The following ADAMTS12 variants were observed in gnomAD, a reference collection of about 807,000 sequenced individuals.
ADAMTS12 encodes A disintegrin and metalloproteinase with thrombospondin motifs 12.
A neutral mutation model predicts 167.8 loss-of-function variants in ADAMTS12; 118 were observed. The observed-to-expected ratio is 0.70, with a 90% CI of 0.61 to 0.82. The LOEUF is 0.82. ADAMTS12 is among the 40% of genes least tolerant of loss of function. ADAMTS12 has a pLI of 0.00. For missense variants in ADAMTS12, 1,916 were observed against 1,998.8 expected (o/e 0.96, Z 0.79); for synonymous variants, 704 against 716.9 (o/e 0.98, Z 0.29).
At chr5:33,845,137 T>C (rs1748896812) in intron 2 of ADAMTS12, among the ~76,000 whole-genome samples, 1 of 152,212 alleles carries the variant, frequency 6.6e-6, no homozygotes, top group African/African-American at 2.4e-5. Flanking sequence ...TATTGTGGCT[T>C]ACATGCACAT....
intron 5 of ADAMTS12, among the ~76,000 whole-genome samples, chr5:33,662,474 C>A (rs1485340639): frequency 6.6e-6 from 1 of 152,214 alleles, no homozygotes; most frequent in Non-Finnish European, 1.5e-5. Flanking sequence ...TCCTGCAAGG[C>A]TAGAGTTGCA....
At chr5:33,676,048 C>A (rs1220648455) in intron 5 of ADAMTS12, among the ~76,000 whole-genome samples, 2 of 152,088 alleles carry the variant, frequency 1.3e-5, no homozygotes, top group African/African-American at 2.4e-5. Context: ...AAAATAGATT[C>A]CTCTTTTTGT....
chr5:33,702,898 A>G (rs1349895328), intron 3 of ADAMTS12, among the ~76,000 whole-genome samples: 1 of 152,160 alleles, frequency 6.6e-6, no homozygotes, highest in African/African-American at 2.4e-5. Context: ...GAGTGGCTGG[A>G]AACAAGACTG....
intron 16 of ADAMTS12, among the ~76,000 whole-genome samples, chr5:33,605,019 T>G (rs1320521095): frequency 6.6e-6 from 1 of 152,248 alleles, no homozygotes; most frequent in Non-Finnish European, 1.5e-5. Context: ...TTACTGCCTT[T>G]GGGCATTTTA....
intron 20 of ADAMTS12, among the ~76,000 whole-genome samples, chr5:33,549,764 C>T (rs559951422): frequency 2.0e-5 from 3 of 152,372 alleles, no homozygotes; most frequent in Non-Finnish European, 2.9e-5. Context: ...GCCATTCCGT[C>T]TGGAAGTCAG....
chr5:33,734,293 G>A (rs900993471), intron 3 of ADAMTS12, among the ~76,000 whole-genome samples: 10 of 152,324 alleles, frequency 6.6e-5, no homozygotes, highest in Admixed American at 6.5e-4. Context: ...TGGAACAAAA[G>A]CTGCCTAGGT....
At chr5:33,665,621 T>TGA (rs1362812888) in intron 5 of ADAMTS12, among the ~76,000 whole-genome samples, 1 of 152,024 alleles carries the variant, frequency 6.6e-6, no homozygotes, top group Non-Finnish European at 1.5e-5. Context: ...ACACAAAATG[T>TGA]GAGAGAAAGA....
chr5:33,614,166 C>T, intron 16 of ADAMTS12, 72 bp downstream of exon 16: 2 of 1,555,076 alleles, frequency 1.3e-6, no homozygotes, highest in Non-Finnish European at 1.7e-6. Context: ...CAAAGCAAAT[C>T]ACTGGTGTAA....
chr5:33,726,651 T>TTGAAG (rs1743992310), intron 3 of ADAMTS12, among the ~76,000 whole-genome samples: 1 of 150,894 alleles, frequency 6.6e-6, no homozygotes. Flanking sequence ...CTGTGATTGG[T>TTGAAG]TGAAGTGTGG....
intron 21 of ADAMTS12, among the ~76,000 whole-genome samples, chr5:33,546,662 A>G (rs1744999851): frequency 6.6e-6 from 1 of 152,190 alleles, no homozygotes; most frequent in Non-Finnish European, 1.5e-5. Flanking sequence ...TTTGCTCAGG[A>G]CTCAGATGCA....
intron 2 of ADAMTS12, among the ~76,000 whole-genome samples, chr5:33,815,252 C>T (rs756062123): frequency 3.9e-5 from 6 of 152,134 alleles, no homozygotes; most frequent in Non-Finnish European, 8.8e-5. Context: ...TGTTTCTGTT[C>T]CCATTAAAGT....
At chr5:33,560,914 TAAGAAA>T in intron 20 of ADAMTS12, 107 bp downstream of exon 20, 12 of 1,322,200 alleles carry the variant, frequency 9.1e-6, no homozygotes, top group Non-Finnish European at 1.2e-5. Flanking sequence ...GAACTTTAAT[TAAGAAA>T]AAGAAAAAAA....
chr5:33,582,912 G>T (rs538081325), intron 18 of ADAMTS12, among the ~76,000 whole-genome samples: 2 of 152,174 alleles, frequency 1.3e-5, no homozygotes, highest in African/African-American at 4.8e-5. Flanking sequence ...TTTGAAACAG[G>T]CATGCAATGT....
At chr5:33,554,336 C>T (rs527837326) in intron 20 of ADAMTS12, among the ~76,000 whole-genome samples, 12 of 152,146 alleles carry the variant, frequency 7.9e-5, no homozygotes, top group African/African-American at 1.9e-4. Flanking sequence ...GATGGGTGGA[C>T]GCCATCATGG....
intron 1 of ADAMTS12, among the ~76,000 whole-genome samples, chr5:33,882,485 C>T (rs1243992115): frequency 1.3e-5 from 2 of 152,202 alleles, no homozygotes; most frequent in East Asian, 3.8e-4. Flanking sequence ...CTCCCTACCA[C>T]TACCTCCTTA....
chr5:33,781,495 C>T (rs544460497), intron 2 of ADAMTS12, among the ~76,000 whole-genome samples: 2 of 152,174 alleles, frequency 1.3e-5, no homozygotes, highest in South Asian at 2.1e-4. Context: ...AGGGACCACA[C>T]TAAGTGACAT....
intron 13 of ADAMTS12, among the ~76,000 whole-genome samples, chr5:33,627,179 T>A (rs535874674): frequency 9.6e-4 from 136 of 142,270 alleles, no homozygotes; most frequent in Non-Finnish European, 1.5e-3. Context: ...ATGGAGGTAG[T>A]GATGAGGTGG....
chr5:33,704,567 G>T (rs1208161212), intron 3 of ADAMTS12, among the ~76,000 whole-genome samples: 1 of 151,858 alleles, frequency 6.6e-6, no homozygotes, highest in Non-Finnish European at 1.5e-5. Flanking sequence ...ATGTCTTATT[G>T]TGGTTTTGCT....
At chr5:33,681,893 A>C (rs1742133714) in intron 5 of ADAMTS12, among the ~76,000 whole-genome samples, 1 of 152,236 alleles carries the variant, frequency 6.6e-6, no homozygotes, top group Non-Finnish European at 1.5e-5. Context: ...AAGTCACCAC[A>C]GGTCACAGCA....
Sources: gnomAD v4.1 joint callset for allele counts (sites outside exome capture counted in the v4.1 genomes callset) on GRCh38, gnomAD v4.1.1 for gene constraint, MANE v1.5 for transcripts, NCBI Gene and HGNC (gene_info 2026-07-23, HGNC 2026-07-21) for gene names.